Variants in SLC6A15 observed in about 807,000 individuals in gnomAD.
The protein encoded by SLC6A15 is sodium-dependent neutral amino acid transporter B(0)AT2.
Under a neutral mutation model 68.5 loss-of-function variants are expected in SLC6A15, and 33 were observed. The observed-to-expected ratio is 0.48, with a 90% CI of 0.37 to 0.64. The LOEUF (loss-of-function observed/expected upper bound fraction) is 0.64. SLC6A15 is among the 30% of genes least tolerant of loss of function. The probability of loss-of-function intolerance (pLI) is 0.00; values close to 1 mark genes in which losing one functional copy is unlikely to be tolerated. For synonymous variants in SLC6A15, 347 were observed against 301.0 expected (o/e 1.15, Z -1.58); for missense variants, 747 against 874.3 (o/e 0.85, Z 1.84).
At chr12:84,885,363 A>G in intron 4 of SLC6A15, 72 bp downstream of exon 4, 2 of 1,345,830 alleles carry the variant, frequency 1.5e-6, no homozygotes, top group Admixed American at 2.7e-5. Flanking sequence ...AAAGAAAAAA[A>G]TCTTGAAAGC....
chr12:84,896,645 T>C (rs1325338586), intron 1 of SLC6A15, among the ~76,000 whole-genome samples: 3 of 152,152 alleles, frequency 2.0e-5, no homozygotes, highest in African/African-American at 7.2e-5. Flanking sequence ...AAATGCGTAG[T>C]TCCAAATAAT....
At chr12:84,872,045 C>A (rs1444647030) in intron 8 of SLC6A15, among the ~76,000 whole-genome samples, 3 of 151,888 alleles carry the variant, frequency 2.0e-5, no homozygotes, top group Non-Finnish European at 4.4e-5. Context: ...GTAATCCCAG[C>A]TACTTGGGAG....
At chr12:84,882,398 G>A in intron 5 of SLC6A15, 3 of 971,878 alleles carry the variant, frequency 3.1e-6, no homozygotes, top group South Asian at 4.8e-5. Context: ...ATATTTAGAT[G>A]TGTTAACAAG....
At chr12:84,884,346 C>T (rs965906899) in intron 4 of SLC6A15, among the ~76,000 whole-genome samples, 1 of 151,900 alleles carries the variant, frequency 6.6e-6, no homozygotes, top group East Asian at 1.9e-4. Context: ...TGCTCTGTCG[C>T]CCAGGCTGGA....
Position 84,884,060 on chromosome 12 carries a change from A to C in SLC6A15, c.575-20T>G. ...CTACAACTGTAGAAAGAAAAGTAACACACAATTATTTCAGAATATAAAGAG... is the reference window on the plus strand; with the variant it reads ...CTACAACTGTAGAAAGAAAAGTAACCCACAATTATTTCAGAATATAAAGAG... On this transcript the variant is annotated intron_variant, in intron 4 of 11. Coordinates refer to ENST00000266682, the MANE Select transcript of SLC6A15 (RefSeq NM_182767.6). 6.3e-7 allele frequency: 1 copy of C among 1,588,356 alleles called. No individual in the cohort carries two copies. The highest frequency in any genetic ancestry group is 8.6e-7 in the Non-Finnish European group (1 of 1,158,646).
intron 4 of SLC6A15, 112 bp from the exon 5 acceptor site, chr12:84,884,152 C>A: frequency 1.3e-6 from 1 of 793,514 alleles, no homozygotes; most frequent in South Asian, 1.8e-5. Flanking sequence ...AAAAGTACTA[C>A]CATTGTATAG....
Position 84,863,553 on chromosome 12 carries a change from A to G in SLC6A15, c.1704T>C (p.Tyr568=). The change falls in exon 11 of 12, where the codon TAT becomes TAC. Residue 568 remains tyrosine (Y), a synonymous_variant. Transcript: ENST00000266682. ...AAATATATTTCCACATATAGTAGTAATATCTGCTGGGAGCAAAGCCCAGCA... is the reference window on the plus strand; with the variant it reads ...AAATATATTTCCACATATAGTAGTAGTATCTGCTGGGAGCAAAGCCCAGCA... ...KDMLGFAPSR[Y]YYYMWKYISP... is the part of the protein sequence containing the mutation. 1 of 1,590,674 alleles carries G rather than the reference A, an allele frequency of 6.3e-7. No individual in the cohort carries two copies. Among genetic ancestry groups the G allele is most frequent in the Non-Finnish European group, 8.5e-7 (1 of 1,172,162 alleles).
chr12:84,883,946 G>T lies in SLC6A15; in HGVS notation c.669C>A (p.Gly223=). ...AGCAGATGGTCATCTTCCAGTTTAAGCCCCCACTTTCAGAAATGGAACTTG... is the reference window on the plus strand; with the variant it reads ...AGCAGATGGTCATCTTCCAGTTTAATCCCCCACTTTCAGAAATGGAACTTG... ...NISSSISESG[G]LNWKMTICLL... is the part of the protein sequence containing the mutation. The change falls in exon 5 of 12, where the codon GGC becomes GGA. Residue 223 remains glycine, a synonymous_variant. Transcript: ENST00000266682. The T allele has an allele frequency of 6.2e-7, 1 of 1,614,144 alleles. No individual in the cohort carries two copies. The highest frequency in any genetic ancestry group is 1.1e-5 in the South Asian group (1 of 91,082).
At chr12:84,866,896 G>A in intron 10 of SLC6A15, 138 bp downstream of exon 10, 4 of 655,988 alleles carry the variant, frequency 6.1e-6, no homozygotes, top group Non-Finnish European at 9.5e-6. Context: ...GAATCAGTGA[G>A]AGCCTGCAAA....
intron 9 of SLC6A15, among the ~76,000 whole-genome samples, chr12:84,868,473 C>A (rs61928639): frequency 0.13 from 19,163 of 152,124 alleles, 1,341 homozygotes; most frequent in South Asian, 0.29. Context: ...CCTCAACAGC[C>A]TGTGTCACTT....
At chr12:84,868,435 A>G (rs1297203410) in intron 9 of SLC6A15, among the ~76,000 whole-genome samples, 1 of 152,204 alleles carries the variant, frequency 6.6e-6, no homozygotes, top group Non-Finnish European at 1.5e-5. Context: ...GAAGTAGCAG[A>G]GTTTGGATCT....
intron 2 of SLC6A15, among the ~76,000 whole-genome samples, chr12:84,889,776 G>A (rs11116644): frequency 0.016 from 2,436 of 152,190 alleles, 72 homozygotes; most frequent in African/African-American, 0.055. Context: ...GAACAAATGA[G>A]GTAGCCTGTG....
At position 84,894,862 on chromosome 12, in the gene SLC6A15, A is replaced by G. The variant is rs551578906; in HGVS notation, c.-188-2554T>C. Among the ~76,000 whole-genome samples, 10 of 152,124 alleles carry G rather than the reference A, an allele frequency of 6.6e-5. No individual in the cohort carries two copies. In the East Asian group the frequency reaches 1.9e-3, roughly 29 times the overall value. ...CAAATTTTAAATGTAATATTATATC[A>G]TAAACACTTTGAATATAAATAAATA... On this transcript the variant is annotated intron_variant, in intron 1 of 11. Transcript: ENST00000266682.
chr12:84,899,062 GT>G (rs745740301), intron 1 of SLC6A15, among the ~76,000 whole-genome samples: 112 of 152,236 alleles, frequency 7.4e-4, no homozygotes, highest in Middle Eastern at 3.4e-3. Context: ...GAGCACTTTG[GT>G]TTGCTTATAA....
In SLC6A15 at chr12:84,861,780, G is replaced by T. The variant is rs528847039; in HGVS notation, c.2045C>A (p.Pro682Gln). The T allele has an allele frequency of 5.0e-6, 8 of 1,613,872 alleles. No individual in the cohort carries two copies. The highest frequency in any genetic ancestry group is 6.8e-6 in the Non-Finnish European group (8 of 1,179,914). The change falls in exon 12 of 12, where the codon CCG becomes CAG. Residue 682 changes from proline (P) to glutamine (Q), a missense_variant. Physicochemically the swap from Pro to Gln is moderately conservative, Grantham distance 76. Coordinates refer to ENST00000266682, the MANE Select transcript of SLC6A15 (RefSeq NM_182767.6). ...AAAATTTGGAGATGGCATCTCGCTCGGTATTTTTCCGTGAATGAGGCTTGT... is the reference window on the plus strand; with the variant it reads ...AAAATTTGGAGATGGCATCTCGCTCTGTATTTTTCCGTGAATGAGGCTTGT... ...DDTSLIHGKI[P>Q]SEMPSPNFGK...
At chr12:84,871,117 G>A (rs1464497068) in intron 8 of SLC6A15, among the ~76,000 whole-genome samples, 3 of 150,990 alleles carry the variant, frequency 2.0e-5, no homozygotes, top group Non-Finnish European at 4.4e-5. Flanking sequence ...CCTCAAAGTG[G>A]CTCAATCAAT....
intron 1 of SLC6A15, among the ~76,000 whole-genome samples, chr12:84,906,271 G>A (rs1219246846): frequency 2.6e-5 from 4 of 152,084 alleles, no homozygotes; most frequent in Non-Finnish European, 5.9e-5. Flanking sequence ...ACTACAAAGT[G>A]CTGATAAAGT....
intron 6 of SLC6A15, 43 bp from the exon 7 acceptor site, chr12:84,873,371 T>C (rs752067028): frequency 6.3e-7 from 1 of 1,590,306 alleles, no homozygotes; most frequent in Admixed American, 1.8e-5. Flanking sequence ...CAAAATAATG[T>C]TTCAGAATAA....
chr12:84,870,795 T>C lies in SLC6A15; in HGVS notation c.1303-125A>G, dbSNP rs537791737. 4 of 531,586 alleles carry C rather than the reference T, an allele frequency of 7.5e-6. 1 individual carries two copies. Among genetic ancestry groups the C allele is most frequent in the African/African-American group, 3.9e-5 (2 of 51,600 alleles). The allele number at this position is 531,586 out of a possible 1,614,324, so 32.9% of individuals were successfully genotyped here. On this transcript the variant is annotated intron_variant, in intron 8 of 11. Transcript: ENST00000266682. ...CCAGGACTGCTGGAAATAGACATGCTCAAATCAGCTCTTAACCTGATAAAT... is the reference window on the plus strand; with the variant it reads ...CCAGGACTGCTGGAAATAGACATGCCCAAATCAGCTCTTAACCTGATAAAT...
Sources: gnomAD v4.1 joint callset for allele counts (sites outside exome capture counted in the v4.1 genomes callset) on GRCh38, gnomAD v4.1.1 for gene constraint, MANE v1.5 for transcripts, NCBI Gene and HGNC (gene_info 2026-07-23, HGNC 2026-07-21) for gene names.